Variants in SYTL2 observed in about 807,000 individuals in gnomAD.
The protein encoded by SYTL2 is synaptotagmin like 2, also known as synaptotagmin-like protein 2.
SYTL2 carries 165 observed loss-of-function variants against 198.7 expected under a neutral mutation model. The ratio of observed to expected loss-of-function variants is 0.83; its 90% CI spans 0.73 to 0.94. SYTL2 has a LOEUF of 0.94. Ranked by LOEUF, SYTL2 falls within the 40% of genes least tolerant of loss-of-function variation. The pLI, the probability that SYTL2 is intolerant of heterozygous loss-of-function variation, is 0.00. For synonymous variants in SYTL2, 966 were observed against 917.7 expected, an observed-to-expected ratio of 1.05 and a Z score of -0.95; for missense variants, 2,835 against 2,582.8, an observed-to-expected ratio of 1.10 and a Z score of -2.12.
In SYTL2 at chr11:85,721,791, T is replaced by C. The variant is rs1228506532; in HGVS notation, c.5327-832A>G. Among the ~76,000 whole-genome samples, 2 of 152,222 alleles carry C rather than the reference T, an allele frequency of 1.3e-5. 1 individual carries two copies. ...CCTAGTACATTCCATAGCAAATGGA[T>C]TCTAAGATGAATTAGATTTGGATGT... On this transcript the variant is annotated intron_variant, in intron 8 of 19. Transcript: ENST00000359152.
chr11:85,730,575 G>T (rs2089701990), intron 7 of SYTL2, among the ~76,000 whole-genome samples: 3 of 152,046 alleles, frequency 2.0e-5, no homozygotes, highest in Admixed American at 2.0e-4. Flanking sequence ...AATAAACTAG[G>T]TATTGATGGA....
chr11:85,818,973 C>T, the SYTL2 span, among the ~76,000 whole-genome samples: 2 of 152,268 alleles, frequency 1.3e-5, no homozygotes, highest in Non-Finnish European at 2.9e-5. Flanking sequence ...TCTCCTGCCT[C>T]GGTGTCCTTA....
At chr11:85,786,258 G>C (rs886937528) in intron 1 of SYTL2, among the ~76,000 whole-genome samples, 5 of 152,204 alleles carry the variant, frequency 3.3e-5, no homozygotes, top group Admixed American at 6.5e-5. Flanking sequence ...GGGGGCTGTG[G>C]AGGCTGTAGG....
the SYTL2 span, among the ~76,000 whole-genome samples, chr11:85,834,252 G>A: frequency 6.6e-6 from 1 of 152,118 alleles, no homozygotes; most frequent in Non-Finnish European, 1.5e-5. Flanking sequence ...AAGTATATAT[G>A]TAGCTAGATA....
At chr11:85,803,660 T>C (rs938391605) in intron 1 of SYTL2, among the ~76,000 whole-genome samples, 4 of 152,228 alleles carry the variant, frequency 2.6e-5, no homozygotes, top group African/African-American at 9.6e-5. Context: ...AGCATGAATA[T>C]AACATCTTTC....
upstream of SYTL2, among the ~76,000 whole-genome samples, chr11:85,813,709 T>A (rs138845826): frequency 6.3e-4 from 64 of 101,896 alleles, no homozygotes; most frequent in Admixed American, 1.2e-3. Flanking sequence ...CCTCCCTCCC[T>A]CCCTCCTTTC....
intron 1 of SYTL2, among the ~76,000 whole-genome samples, chr11:85,804,363 G>C (rs2092930067): frequency 6.6e-6 from 1 of 152,212 alleles, no homozygotes; most frequent in Admixed American, 6.5e-5. Context: ...GTAGGGTACA[G>C]ATAGCGTACA....
chr11:85,712,236 T>A (rs1034181172), intron 12 of SYTL2, among the ~76,000 whole-genome samples: 9 of 152,236 alleles, frequency 5.9e-5, no homozygotes, highest in Non-Finnish European at 1.0e-4. Flanking sequence ...TTTACGTGGA[T>A]AAGAATCCTT....
chr11:85,803,355 G>T (rs946170325), intron 1 of SYTL2, among the ~76,000 whole-genome samples: 5 of 152,180 alleles, frequency 3.3e-5, no homozygotes, highest in African/African-American at 1.2e-4. Context: ...TTATCAAGTT[G>T]TGATGCCCCA....
chr11:85,744,463 G>A (rs966444918), intron 4 of SYTL2, among the ~76,000 whole-genome samples: 7 of 152,140 alleles, frequency 4.6e-5, no homozygotes, highest in African/African-American at 1.4e-4. Flanking sequence ...GGGAAACAGT[G>A]CAGCCTGCCA....
At position 85,696,449 on chromosome 11, in the gene SYTL2, A is replaced by G. The variant is rs879470498; in HGVS notation, c.6369-61T>C. 2.1e-5 allele frequency: 26 copies of G among 1,255,632 alleles called. 1 individual carries two copies. The highest frequency in any genetic ancestry group is 2.8e-5 in the Non-Finnish European group (24 of 855,866). 77.8% of individuals were successfully genotyped at this position (1,255,632 alleles called of 1,614,324 possible). A position where few individuals can be genotyped will look rare whatever the true frequency, so the allele number is the denominator to read the frequency against. ...TAAGATAGTGAACATTCATGCTTTC[A>G]ATACATAACAACACAGCTATTAAAG... On this transcript the variant is annotated intron_variant, in intron 18 of 19. Transcript: ENST00000359152.
At chr11:85,742,645 C>A (rs1406865686) in intron 4 of SYTL2, among the ~76,000 whole-genome samples, 2 of 152,122 alleles carry the variant, frequency 1.3e-5, no homozygotes, top group African/African-American at 4.8e-5. Context: ...CTTTTGCATG[C>A]CACTGTTGTT....
chr11:85,756,183 G>C (rs2091854790), intron 2 of SYTL2, among the ~76,000 whole-genome samples: 1 of 152,202 alleles, frequency 6.6e-6, no homozygotes, highest in Admixed American at 6.5e-5. Flanking sequence ...GAGGATTAAT[G>C]CTACCAAGAG....
the SYTL2 span, chr11:85,854,383 G>A: frequency 6.6e-6 from 1 of 151,440 alleles, no homozygotes; most frequent in Non-Finnish European, 1.5e-5. Context: ...TGCAGGAGAG[G>A]AAAGAGGAAC....
At chr11:85,763,723 A>G (rs1360327816) in intron 1 of SYTL2, among the ~76,000 whole-genome samples, 1 of 152,084 alleles carries the variant, frequency 6.6e-6, no homozygotes, top group East Asian at 1.9e-4. Flanking sequence ...AAATCCAGGC[A>G]GCAACAGAAG....
intron 8 of SYTL2, among the ~76,000 whole-genome samples, chr11:85,723,253 C>A (rs556383886): frequency 6.6e-6 from 1 of 152,310 alleles, no homozygotes; most frequent in Admixed American, 6.5e-5. Context: ...CGACTCAGGT[C>A]ATCAACTTAG....
At chr11:85,729,003 A>G (rs1205323540) in intron 7 of SYTL2, among the ~76,000 whole-genome samples, 1 of 152,202 alleles carries the variant, frequency 6.6e-6, no homozygotes, top group Admixed American at 6.5e-5. Context: ...AGGGCATTAC[A>G]TAATGGTAAA....
the SYTL2 span, among the ~76,000 whole-genome samples, chr11:85,849,382 T>C: frequency 6.6e-6 from 1 of 152,206 alleles, no homozygotes; most frequent in African/African-American, 2.4e-5. Flanking sequence ...GTGTCCTGAA[T>C]GGTAATGCCT....
chr11:85,814,150 G>C (rs189883447), upstream of SYTL2, among the ~76,000 whole-genome samples: 2 of 152,244 alleles, frequency 1.3e-5, no homozygotes, highest in Admixed American at 6.5e-5. Context: ...GTTAGCTAAT[G>C]GTGTGATAAT....
Sources: allele counts gnomAD v4.1 joint callset (sites outside exome capture counted in the v4.1 genomes callset), GRCh38; gene constraint gnomAD v4.1.1; transcripts MANE v1.5; gene names NCBI Gene and HGNC (gene_info 2026-07-23, HGNC 2026-07-21).